The following FBXL13 variants were observed in gnomAD, a reference collection of about 807,000 sequenced individuals.
FBXL13 encodes F-box and leucine rich repeat protein 13.
In FBXL13, 67 loss-of-function variants were observed where a neutral mutation model predicts 83.6. That is an observed-to-expected ratio of 0.80 (90% CI 0.66 to 0.98). The LOEUF (loss-of-function observed/expected upper bound fraction) is 0.98, where lower values mean the gene tolerates loss of function less well. Ranked by LOEUF, FBXL13 falls within the 50% of genes least tolerant of loss-of-function variation. The pLI, the probability that FBXL13 is intolerant of heterozygous loss-of-function variation, is 0.00. For missense variants in FBXL13, 822 were observed against 866.5 expected (o/e 0.95, Z 0.64); for synonymous variants, 272 against 299.5 (o/e 0.91, Z 0.95).
chr7:103,001,304 C>A (rs1790379817), intron 6 of FBXL13, among the ~76,000 whole-genome samples: 1 of 151,972 alleles, frequency 6.6e-6, no homozygotes, highest in South Asian at 2.1e-4. Flanking sequence ...CTATATGTGC[C>A]TATATGTGAA....
chr7:103,055,669 T>C, exon 2 of FBXL13: 1 of 1,281,536 alleles, frequency 7.8e-7, no homozygotes, highest in Non-Finnish European at 1.0e-6. Flanking sequence ...AGACCACTTT[T>C]GATTATAACC....
intron 1 of FBXL13, among the ~76,000 whole-genome samples, chr7:103,069,996 G>C (rs572050936): frequency 6.6e-6 from 1 of 150,814 alleles, no homozygotes; most frequent in Non-Finnish European, 1.5e-5. Context: ...GGAGAATGGC[G>C]TGAAGCCAGG....
intron 8 of FBXL13, among the ~76,000 whole-genome samples, chr7:102,945,106 C>A (rs1166506523): frequency 1.3e-5 from 2 of 152,142 alleles, no homozygotes; most frequent in African/African-American, 4.8e-5. Context: ...TCTGTGCATT[C>A]CAAAATGAGG....
chr7:103,063,905 T>C (rs1046645752), intron 1 of FBXL13, among the ~76,000 whole-genome samples: 1 of 152,122 alleles, frequency 6.6e-6, no homozygotes, highest in African/African-American at 2.4e-5. Context: ...CTTCAGATGC[T>C]TTAGGTTTCA....
At chr7:103,008,786 G>A (rs1018402394) in intron 6 of FBXL13, among the ~76,000 whole-genome samples, 1 of 152,164 alleles carries the variant, frequency 6.6e-6, no homozygotes, top group African/African-American at 2.4e-5. Context: ...TCAAACTCCT[G>A]ACCTCAGGTG....
chr7:102,953,462 C>G (rs1342607040), intron 8 of FBXL13, among the ~76,000 whole-genome samples: 1 of 151,994 alleles, frequency 6.6e-6, no homozygotes. Context: ...ATCCCATCAC[C>G]CTTTTATAAT....
At chr7:102,954,268 C>A (rs1196994321) in intron 8 of FBXL13, among the ~76,000 whole-genome samples, 1 of 152,136 alleles carries the variant, frequency 6.6e-6, no homozygotes, top group African/African-American at 2.4e-5. Context: ...ATTTTCAACC[C>A]AGAATTTCTT....
Position 102,914,959 on chromosome 7 carries a change from A to T in FBXL13, c.879-1744T>A, listed in dbSNP as rs549799639. On this transcript the variant is annotated intron_variant, in intron 10 of 19. Transcript: ENST00000313221. ...ATTTCTAGCAATCCTTTAGCTTTAT[A>T]ATCTGTAGAAAGGAGTTGTGAGGCA... Among the ~76,000 whole-genome samples the T allele has an allele frequency of 1.6e-3, 247 of 152,154 alleles. 1 individual carries two copies. Among genetic ancestry groups the T allele is most frequent in the African/African-American group, 5.5e-3 (228 of 41,492 alleles).
intron 16 of FBXL13, 118 bp downstream of exon 17, chr7:102,877,349 C>T: frequency 1.1e-6 from 1 of 932,602 alleles, no homozygotes; most frequent in East Asian, 3.3e-5. Flanking sequence ...CTAAACTTAA[C>T]TTTTATAATA....
At position 102,977,841 on chromosome 7, in the gene FBXL13, C is replaced by T. The variant is rs148804796; in HGVS notation, c.496-9724G>A. On this transcript the variant is annotated intron_variant, in intron 6 of 19. Transcript: ENST00000313221. ...GAAACCATCATTCTCAGCAAACTAT[C>T]GCAAGGACAAAAACCAAACACTGCA... 3.7e-3 allele frequency among the ~76,000 whole-genome samples: 570 copies of T among 152,160 alleles called. 4 individuals carry two copies. Among genetic ancestry groups the T allele is most frequent in the African/African-American group, 0.014 (563 of 41,486 alleles).
chr7:102,930,259 AGCT>A (rs2129472826), intron 9 of FBXL13, among the ~76,000 whole-genome samples: 1 of 152,266 alleles, frequency 6.6e-6, no homozygotes, highest in African/African-American at 2.4e-5. Context: ...TTCATGGTGG[AGCT>A]GGTGCCTCAT....
chr7:102,972,477 T>C (rs1289128158), intron 6 of FBXL13, among the ~76,000 whole-genome samples: 1 of 152,078 alleles, frequency 6.6e-6, no homozygotes, highest in African/African-American at 2.4e-5. Flanking sequence ...AGTAAAATCA[T>C]AGAAATAGAA....
chr7:102,830,156 G>A (rs1371814224), intron 18 of FBXL13, among the ~76,000 whole-genome samples: 1 of 152,110 alleles, frequency 6.6e-6, no homozygotes, highest in Non-Finnish European at 1.5e-5. Flanking sequence ...CAATAGCCAT[G>A]CACAGTTTAC....
At chr7:102,930,184 A>C (rs1439875482) in intron 9 of FBXL13, among the ~76,000 whole-genome samples, 1 of 152,192 alleles carries the variant, frequency 6.6e-6, no homozygotes, top group Non-Finnish European at 1.5e-5. Flanking sequence ...TGTAAAAATG[A>C]GGCTGAGAGG....
chr7:102,950,975 C>T (rs1046510764), intron 8 of FBXL13, among the ~76,000 whole-genome samples: 3 of 152,140 alleles, frequency 2.0e-5, no homozygotes, highest in Admixed American at 6.6e-5. Flanking sequence ...ATATTCAACA[C>T]TAAGAGTGAA....
rs1414065543 is a variant in FBXL13 at position 102,826,769 on chromosome 7, A to ATATATATATATATATATG, written c.1855-4567_1855-4566insCATATATATATATATATA. ...TATATATATATATATATATATATAT[A>ATATATATATATATATATG]TATGTATATATATCTCTAATATATT... On this transcript the variant is annotated intron_variant, in intron 18 of 19. Coordinates refer to ENST00000313221, the Ensembl canonical transcript of FBXL13. Among the ~76,000 whole-genome samples, 56 of 100,736 alleles carry ATATATATATATATATATG rather than the reference A, an allele frequency of 5.6e-4. 3 individuals are homozygous for ATATATATATATATATATG. Among genetic ancestry groups the ATATATATATATATATATG allele is most frequent in the African/African-American group, 8.7e-4 (23 of 26,354 alleles). The allele number at this position is 100,736 out of a possible 152,430, so 66.1% of individuals were successfully genotyped here.
At chr7:102,954,690 G>A (rs1221809044) in intron 8 of FBXL13, among the ~76,000 whole-genome samples, 8 of 152,160 alleles carry the variant, frequency 5.3e-5, no homozygotes, top group Non-Finnish European at 1.2e-4. Context: ...ATAAAGGGAT[G>A]CGGGAAGATC....
chr7:102,907,816 C>T (rs777285282), intron 11 of FBXL13, among the ~76,000 whole-genome samples: 1 of 152,136 alleles, frequency 6.6e-6, no homozygotes, highest in Non-Finnish European at 1.5e-5. Context: ...TAAAAAAATG[C>T]TCATCATCAC....
chr7:102,997,469 T>C (rs1225786135), intron 6 of FBXL13, among the ~76,000 whole-genome samples: 3 of 152,192 alleles, frequency 2.0e-5, no homozygotes, highest in Non-Finnish European at 2.9e-5. Context: ...CAATAAATTA[T>C]TGTTAACTAC....
Sources: gnomAD v4.1 joint callset for allele counts (sites outside exome capture counted in the v4.1 genomes callset) on GRCh38, gnomAD v4.1.1 for gene constraint, MANE v1.5 for transcripts, NCBI Gene and HGNC (gene_info 2026-07-23, HGNC 2026-07-21) for gene names.